The following XIRP2 variants were observed in gnomAD, a reference collection of about 807,000 sequenced individuals.
The protein encoded by XIRP2 is xin actin-binding repeat-containing protein 2.
In XIRP2, 236 loss-of-function variants were observed where a neutral mutation model predicts 277.0. That is an observed-to-expected ratio of 0.85 (90% CI 0.77 to 0.95). XIRP2 has a LOEUF of 0.95. Ranked by LOEUF, XIRP2 falls within the 40% of genes least tolerant of loss-of-function variation. The pLI is 0.00. For missense variants in XIRP2, 4,640 were observed against 4,157.5 expected, an observed-to-expected ratio of 1.12 and a Z score of -3.19; for synonymous variants, 1,490 against 1,416.5, an observed-to-expected ratio of 1.05 and a Z score of -1.17.
intron 3 of XIRP2, among the ~76,000 whole-genome samples, chr2:167,158,651 G>C (rs1348105521): frequency 3.3e-5 from 5 of 152,094 alleles, no homozygotes; most frequent in Admixed American, 3.3e-4. Flanking sequence ...TGAGATACAT[G>C]TTGTTATTCC....
chr2:166,911,641 A>G (rs1318912731), intron 2 of XIRP2, among the ~76,000 whole-genome samples: 1 of 152,186 alleles, frequency 6.6e-6, no homozygotes, highest in African/African-American at 2.4e-5. Context: ...TGTGAATTTG[A>G]TCCTGTCATT....
chr2:166,973,186 T>C lies in XIRP2; in HGVS notation c.408+69296T>C, dbSNP rs112953234. Among the ~76,000 whole-genome samples, 109 of 152,278 alleles carry C rather than the reference T, an allele frequency of 7.2e-4. 2 individuals are homozygous for C. The highest frequency in any genetic ancestry group is 2.6e-3 in the African/African-American group (107 of 41,552). On this transcript the variant is annotated intron_variant, in intron 2 of 10. Transcript: ENST00000409195. The stretch of plus-strand genomic sequence containing the variant: ...TCAAAATAGGGAGAATGATAATGGA[T>C]TTAATGAAAAATATAGGATTTTAAG...
At chr2:167,022,723 G>C (rs961794132) in intron 2 of XIRP2, among the ~76,000 whole-genome samples, 2 of 151,890 alleles carry the variant, frequency 1.3e-5, no homozygotes, top group Non-Finnish European at 2.9e-5. Flanking sequence ...CCTTGCGGTA[G>C]TTTACTGAGA....
At chr2:167,100,800 T>C (rs1344820642) in intron 2 of XIRP2, among the ~76,000 whole-genome samples, 1 of 152,194 alleles carries the variant, frequency 6.6e-6, no homozygotes, top group Non-Finnish European at 1.5e-5. Context: ...CTTCCATCAT[T>C]AGTAATTCCC....
chr2:166,922,118 C>T (rs1335491895), intron 2 of XIRP2, among the ~76,000 whole-genome samples: 1 of 152,166 alleles, frequency 6.6e-6, no homozygotes, highest in African/African-American at 2.4e-5. Context: ...TTCCAAAGGA[C>T]AAACTGTCTT....
chr2:167,075,476 A>T (rs1402990132), intron 2 of XIRP2, among the ~76,000 whole-genome samples: 1 of 152,160 alleles, frequency 6.6e-6, no homozygotes, highest in Non-Finnish European at 1.5e-5. Context: ...CAGCTGCTTG[A>T]TCAAGGTATT....
chr2:167,048,266 TC>T (rs1688837802), intron 2 of XIRP2, among the ~76,000 whole-genome samples: 1 of 151,964 alleles, frequency 6.6e-6, no homozygotes, highest in African/African-American at 2.4e-5. Context: ...TTTCAGTTGT[TC>T]TGCAAAACTT....
intron 5 of XIRP2, among the ~76,000 whole-genome samples, chr2:167,231,748 G>T (rs1242425361): frequency 6.6e-6 from 1 of 151,970 alleles, no homozygotes; most frequent in East Asian, 1.9e-4. Flanking sequence ...TGCATAAGAG[G>T]TTAGTGACAT....
chr2:166,907,280 T>C (rs901790376), intron 2 of XIRP2, among the ~76,000 whole-genome samples: 1 of 152,218 alleles, frequency 6.6e-6, no homozygotes, highest in African/African-American at 2.4e-5. Flanking sequence ...CAAAAATTTG[T>C]TGCAAAATTA....
intron 2 of XIRP2, among the ~76,000 whole-genome samples, chr2:167,021,149 A>G (rs1411774150): frequency 2.6e-5 from 4 of 152,094 alleles, no homozygotes; most frequent in Admixed American, 1.3e-4. Context: ...ATTCTGATAT[A>G]TAATCATTTT....
chr2:167,150,753 T>C (rs1691993665), intron 3 of XIRP2, among the ~76,000 whole-genome samples: 1 of 152,038 alleles, frequency 6.6e-6, no homozygotes, highest in Non-Finnish European at 1.5e-5. Context: ...TATATTAAAT[T>C]ATTTATAGTA....
At position 167,247,171 on chromosome 2, in the gene XIRP2, AG is replaced by A; in HGVS notation, c.5781del (p.Arg1927SerfsTer3). The part of the protein sequence containing the change: ...LLKDDLETSL[R>X]SLKEAQRSFK... ...CAAAGATGACCTGGAAACATCACTA[AG>A]GTCTTTGAAAGAAGCACAAAGAAGT... On this transcript the variant is annotated frameshift_variant, in exon 9 of 11. Transcript: ENST00000409195. LOFTEE classifies it high-confidence loss of function. 1 of 1,613,674 alleles carries A rather than the reference AG, an allele frequency of 6.2e-7. No homozygotes were observed. The highest frequency in any genetic ancestry group is 8.5e-7 in the Non-Finnish European group (1 of 1,179,786).
chr2:167,154,297 T>A (rs1471211827), intron 3 of XIRP2, among the ~76,000 whole-genome samples: 1 of 150,980 alleles, frequency 6.6e-6, no homozygotes, highest in Non-Finnish European at 1.5e-5. Flanking sequence ...CATTGTAGAT[T>A]CTGGATATTA....
At chr2:166,943,832 G>A (rs1685784727) in intron 2 of XIRP2, among the ~76,000 whole-genome samples, 1 of 152,108 alleles carries the variant, frequency 6.6e-6, no homozygotes, top group Admixed American at 6.6e-5. Context: ...GTAATTTTTA[G>A]CCTAGGCTTT....
In XIRP2 at chr2:166,999,526, G is replaced by A. The variant is rs545252142; in HGVS notation, c.408+95636G>A. Among the ~76,000 whole-genome samples the A allele has an allele frequency of 1.2e-4, 18 of 152,180 alleles. No homozygotes were observed. In the South Asian group the frequency reaches 3.7e-3, roughly 32 times the overall value. ...CAATGTACATGCAACGTACATCCATGTTCCTAAACTTGACTGATAAATTTA... is the reference window on the plus strand; with the variant it reads ...CAATGTACATGCAACGTACATCCATATTCCTAAACTTGACTGATAAATTTA... On this transcript the variant is annotated intron_variant, in intron 2 of 10. Transcript: ENST00000409195.
At chr2:167,149,303 C>A (rs910025027) in intron 3 of XIRP2, among the ~76,000 whole-genome samples, 3 of 152,106 alleles carry the variant, frequency 2.0e-5, no homozygotes, top group African/African-American at 7.2e-5. Flanking sequence ...GAAGCACATG[C>A]TTTCAACTGG....
chr2:167,059,880 A>G (rs759055928), intron 2 of XIRP2, among the ~76,000 whole-genome samples: 10 of 152,198 alleles, frequency 6.6e-5, no homozygotes, highest in Non-Finnish European at 1.3e-4. Flanking sequence ...CAGCTTACAC[A>G]GTGAGGTGTA....
chr2:166,949,971 A>G (rs1403871897), intron 2 of XIRP2, among the ~76,000 whole-genome samples: 1 of 151,986 alleles, frequency 6.6e-6, no homozygotes, highest in Non-Finnish European at 1.5e-5. Flanking sequence ...TACCTTTTCT[A>G]AAATGCTGCC....
At chr2:167,012,819 A>G (rs369508584) in intron 2 of XIRP2, among the ~76,000 whole-genome samples, 38 of 151,732 alleles carry the variant, frequency 2.5e-4, no homozygotes, top group African/African-American at 8.9e-4. Context: ...CCCATAATCT[A>G]GCCTTTCAGT....
Sources: allele counts gnomAD v4.1 joint callset (sites outside exome capture counted in the v4.1 genomes callset), GRCh38; gene constraint gnomAD v4.1.1; transcripts MANE v1.5; gene names NCBI Gene and HGNC (gene_info 2026-07-23, HGNC 2026-07-21).